The following EYS variants were observed in gnomAD, a reference collection of about 807,000 sequenced individuals.
EYS encodes the protein protein eyes shut homolog.
EYS carries 250 observed loss-of-function variants against 282.1 expected under a neutral mutation model. The ratio of observed to expected loss-of-function variants is 0.89; its 90% confidence interval spans 0.80 to 0.98. The LOEUF (loss-of-function observed/expected upper bound fraction) is 0.98, where lower values mean the gene tolerates loss of function less well. EYS is among the 50% of genes least tolerant of loss of function. The pLI is 0.00. For synonymous variants in EYS, 1,355 were observed against 1,282.9 expected, an observed-to-expected ratio of 1.06 and a Z score of -1.20; for missense variants, 4,016 against 3,709.0, an observed-to-expected ratio of 1.08 and a Z score of -2.15.
intron 18 of EYS, among the ~76,000 whole-genome samples, chr6:64,894,585 T>C (rs553839158): frequency 1.3e-5 from 2 of 152,262 alleles, no homozygotes; most frequent in South Asian, 4.1e-4. Flanking sequence ...ACCTAAGTTA[T>C]GTCACAGACT....
At chr6:63,950,029 C>T (rs933297983) in intron 35 of EYS, among the ~76,000 whole-genome samples, 8 of 151,964 alleles carry the variant, frequency 5.3e-5, no homozygotes, top group South Asian at 2.1e-4. Context: ...AAAAATTAGC[C>T]GGGCGTGGTG....
chr6:64,195,663 G>A (rs1045109716), intron 31 of EYS, among the ~76,000 whole-genome samples: 2 of 151,972 alleles, frequency 1.3e-5, no homozygotes, highest in Non-Finnish European at 1.5e-5. Context: ...TTACTATAAT[G>A]TTTCTTTATG....
At position 65,694,258 on chromosome 6, in the gene EYS, C is replaced by CA. The variant is rs1037663075; in HGVS notation, c.-448+12876dup. ...GGGCAACAAGAGCAAAACTCTATCTCAAAAAAAATAAAAAATAAAAAAATA... is the reference window on the plus strand; with the variant it reads ...GGGCAACAAGAGCAAAACTCTATCTCAAAAAAAAATAAAAAATAAAAAAATA... On this transcript the variant is annotated intron_variant, in intron 1 of 42. Coordinates refer to ENST00000503581, the MANE Select transcript of EYS (RefSeq NM_001142800.2). Among the ~76,000 whole-genome samples, 207 of 145,596 alleles carry CA rather than the reference C, an allele frequency of 1.4e-3. 1 individual carries two copies. Among genetic ancestry groups the CA allele is most frequent in the Middle Eastern group, 0.011 (3 of 282 alleles).
intron 2 of EYS, among the ~76,000 whole-genome samples, chr6:65,505,365 ATTAGT>A (rs1766619462): frequency 6.6e-6 from 1 of 151,620 alleles, no homozygotes; most frequent in Non-Finnish European, 1.5e-5. Context: ...TAACTTTTGT[ATTAGT>A]TTATTTTCTT....
chr6:63,992,385 G>A (rs1767643992), intron 34 of EYS, among the ~76,000 whole-genome samples: 1 of 151,570 alleles, frequency 6.6e-6, no homozygotes, highest in Non-Finnish European at 1.5e-5. Flanking sequence ...TATATTGCAT[G>A]CTAACTTTAG....
intron 33 of EYS, among the ~76,000 whole-genome samples, chr6:64,046,543 A>T (rs1232078711): frequency 7.1e-6 from 1 of 140,192 alleles, no homozygotes; most frequent in Non-Finnish European, 1.6e-5. Flanking sequence ...CTCAAGCTTT[A>T]TTCTTTTTTT....
chr6:64,774,423 C>T (rs1432794296), intron 22 of EYS, among the ~76,000 whole-genome samples: 1 of 151,878 alleles, frequency 6.6e-6, no homozygotes, highest in Non-Finnish European at 1.5e-5. Flanking sequence ...CACACCTAGA[C>T]CTGCAGAGGG....
chr6:65,227,169 A>C (rs1766650247), intron 12 of EYS, among the ~76,000 whole-genome samples: 1 of 152,046 alleles, frequency 6.6e-6, no homozygotes, highest in South Asian at 2.1e-4. Flanking sequence ...AAAAAAAAAA[A>C]AAAACAAGAA....
chr6:64,474,166 GT>G lies in EYS; in HGVS notation c.5645-34815del, dbSNP rs375489880. On this transcript the variant is annotated intron_variant, in intron 26 of 42. Transcript: ENST00000503581. ...CTTATATTCTGTCAATAAATGTGGT[GT>G]TTTTTATCCACTGTAGTGAGCTATA... Among the ~76,000 whole-genome samples the G allele has an allele frequency of 4.6e-5, 7 of 152,150 alleles. No individual in the cohort carries two copies. In the South Asian group the frequency reaches 1.2e-3, roughly 27 times the overall value.
At chr6:64,216,438 T>C (rs138955859) in intron 31 of EYS, among the ~76,000 whole-genome samples, 2,295 of 152,306 alleles carry the variant, frequency 0.015, 16 homozygotes, top group East Asian at 0.035. Flanking sequence ...GAGAAGCCCA[T>C]GGTAGAATTC....
At chr6:64,772,664 T>C (rs1261241379) in intron 22 of EYS, among the ~76,000 whole-genome samples, 2 of 151,830 alleles carry the variant, frequency 1.3e-5, no homozygotes, top group Non-Finnish European at 2.9e-5. Context: ...CCTCCTCCAC[T>C]ACCCTTCCTA....
intron 11 of EYS, chr6:65,332,328 A>G: frequency 5.4e-6 from 4 of 742,734 alleles, no homozygotes; most frequent in Non-Finnish European, 9.8e-6. Flanking sequence ...TCAAACTTAT[A>G]TTCTTACGAT....
At chr6:64,755,743 C>G (rs1287470165) in intron 22 of EYS, among the ~76,000 whole-genome samples, 1 of 151,972 alleles carries the variant, frequency 6.6e-6, no homozygotes, top group African/African-American at 2.4e-5. Context: ...GAACTCACAA[C>G]AGTGGGAGGG....
At chr6:65,310,440 T>C (rs11969480) in intron 11 of EYS, among the ~76,000 whole-genome samples, 54,886 of 151,816 alleles carry the variant, frequency 0.36, 10,263 homozygotes, top group Middle Eastern at 0.41. Flanking sequence ...TGCCTGCCTC[T>C]GAGTACCCAC....
intron 26 of EYS, among the ~76,000 whole-genome samples, chr6:64,493,824 C>G (rs1380529236): frequency 6.6e-6 from 1 of 151,440 alleles, no homozygotes; most frequent in Non-Finnish European, 1.5e-5. Context: ...CTTAAGTTTA[C>G]TATTTCTCCT....
intron 22 of EYS, among the ~76,000 whole-genome samples, chr6:64,705,957 C>T (rs9351388): frequency 0.68 from 102,479 of 150,172 alleles, 36,000 homozygotes; most frequent in Middle Eastern, 0.78. Flanking sequence ...GCACAATGTG[C>T]ACATGTACCC....
intron 2 of EYS, among the ~76,000 whole-genome samples, chr6:65,589,165 C>T (rs752888704): frequency 6.6e-6 from 1 of 151,956 alleles, no homozygotes; most frequent in Non-Finnish European, 1.5e-5. Flanking sequence ...GTCACTATCC[C>T]TGAATGGAAA....
chr6:65,550,077 C>T (rs1768547946), intron 2 of EYS, among the ~76,000 whole-genome samples: 1 of 151,140 alleles, frequency 6.6e-6, no homozygotes, highest in Non-Finnish European at 1.5e-5. Flanking sequence ...TTTCACTGAG[C>T]CCTTTTGTAG....
At chr6:64,773,410 G>T (rs778745265) in intron 22 of EYS, among the ~76,000 whole-genome samples, 13 of 151,724 alleles carry the variant, frequency 8.6e-5, no homozygotes, top group Non-Finnish European at 1.8e-4. Context: ...CCATGCTTTT[G>T]CCACCGTGAA....
Sources: gnomAD v4.1 joint callset for allele counts (sites outside exome capture counted in the v4.1 genomes callset) on GRCh38, gnomAD v4.1.1 for gene constraint, MANE v1.5 for transcripts, NCBI Gene and HGNC (gene_info 2026-07-23, HGNC 2026-07-21) for gene names.